TUB: variants seen among roughly 807,000 people sequenced by gnomAD.
TUB encodes the protein tubby protein homolog.
Under a neutral mutation model 59.7 loss-of-function variants are expected in TUB, and 33 were observed. The ratio of observed to expected loss-of-function variants is 0.55; its 90% CI spans 0.42 to 0.74. TUB has a LOEUF of 0.74. TUB is among the 30% of genes least tolerant of loss of function. TUB has a pLI of 0.00. For missense variants in TUB, 659 were observed against 672.0 expected, an observed-to-expected ratio of 0.98 and a Z score of 0.21; for synonymous variants, 293 against 256.4, an observed-to-expected ratio of 1.14 and a Z score of -1.36.
chr11:8,062,776 G>C (rs1488125432), intron 2 of TUB, among the ~76,000 whole-genome samples: 1 of 152,030 alleles, frequency 6.6e-6, no homozygotes, highest in African/African-American at 2.4e-5. Context: ...AGCTCCCTGG[G>C]TGATTCTGAC....
At chr11:8,028,160 G>A (rs1185703760) in intron 1 of TUB, among the ~76,000 whole-genome samples, 1 of 152,150 alleles carries the variant, frequency 6.6e-6, no homozygotes, top group African/African-American at 2.4e-5. Flanking sequence ...TATAGTCTAG[G>A]AAGTGGTATC....
intron 3 of TUB, among the ~76,000 whole-genome samples, chr11:8,092,314 G>C (rs1461231524): frequency 6.6e-6 from 1 of 152,090 alleles, no homozygotes; most frequent in Non-Finnish European, 1.5e-5. Context: ...CCTGCCTGTA[G>C]TCCCAGCTAC....
chr11:8,061,881 C>T (rs1032582356), intron 2 of TUB, among the ~76,000 whole-genome samples: 1 of 152,104 alleles, frequency 6.6e-6, no homozygotes, highest in Non-Finnish European at 1.5e-5. Context: ...TCCCTGTCAC[C>T]TACTCAACAT....
chr11:8,047,586 TG>T (rs1942855537), intron 2 of TUB, among the ~76,000 whole-genome samples: 2 of 152,226 alleles, frequency 1.3e-5, no homozygotes, highest in South Asian at 4.1e-4. Context: ...AAGGGCTCTG[TG>T]CAGCAGGGCC....
At position 8,104,960 on chromosome 11, in the gene TUB, TAGC is replaced by T. The variant is rs1025818622; in HGVS notation, c.*3344_*3346del. 7.5e-5 allele frequency: 10 copies of T among 133,684 alleles called. No individual in the cohort carries two copies. The highest frequency in any genetic ancestry group is 1.4e-4 in the African/African-American group (5 of 36,768). 8.3% of individuals were successfully genotyped at this position (133,684 alleles called of 1,614,324 possible). On this transcript the variant is annotated 3_prime_UTR_variant, in exon 12 of 12. Transcript: ENST00000299506. ...TTTTTTTTTTTCTCCATTCTGAAAA[TAGC>T]AGGACATTTACCTCTTAAATAAACT...
intron 1 of TUB, among the ~76,000 whole-genome samples, chr11:8,031,172 C>T (rs146237707): frequency 1.8e-4 from 27 of 152,268 alleles, no homozygotes; most frequent in Admixed American, 7.8e-4. Context: ...GTGTGTGCTT[C>T]TATGGAAGCA....
chr11:8,039,034 C>T (rs1177695686), intron 1 of TUB: 3 of 1,611,616 alleles, frequency 1.9e-6, no homozygotes, highest in Non-Finnish European at 2.5e-6. Flanking sequence ...GATCGGTAAG[C>T]TTTCAACATC....
rs1347051403 is a variant in TUB at position 8,096,781 on chromosome 11, C to T, written c.662C>T (p.Ser221Phe). 1 of 1,614,068 alleles carries T rather than the reference C, an allele frequency of 6.2e-7. No homozygotes were observed. The highest frequency in any genetic ancestry group is 8.5e-7 in the Non-Finnish European group (1 of 1,180,022). The stretch of plus-strand genomic sequence containing the variant: ...CTAAATAGTAACACCCGCCCCAGCT[C>T]TGCTACTAGCAGGAAGTCCGTCAGG... Reference protein sequence around the residue: ...SQLNSNTRPSSATSRKSVREA... With the variant: ...SQLNSNTRPSFATSRKSVREA... The change falls in exon 6 of 12, where the codon TCT becomes TTT. Residue 221 changes from serine (S) to phenylalanine (F), a missense_variant. This residue lies in a region of TUB where 321 missense variants were observed against 304.3 expected (regional missense o/e 1.05). Coordinates refer to ENST00000299506, the MANE Select transcript of TUB (RefSeq NM_177972.3).
At position 8,061,421 on chromosome 11, in the gene TUB, C is replaced by T. The variant is rs140842189; in HGVS notation, c.203+21729C>T. Among the ~76,000 whole-genome samples the T allele has an allele frequency of 1.3e-3, 205 of 152,230 alleles. 3 individuals carry two copies. The highest frequency in any genetic ancestry group is 4.8e-3 in the African/African-American group (200 of 41,528). On this transcript the variant is annotated intron_variant, in intron 2 of 12. Transcript: ENST00000305253. ...TCAGGATGGGGGTGGAAACACCCTG[C>T]GGTGCCTCTACAGGGAAAACCAGGT...
At chr11:8,031,517 G>C (rs922384374) in intron 1 of TUB, among the ~76,000 whole-genome samples, 12 of 152,344 alleles carry the variant, frequency 7.9e-5, no homozygotes, top group Admixed American at 5.9e-4. Context: ...GTGGGGTAGA[G>C]GACCCTTCCC....
At chr11:8,081,660 C>A in intron 1 of TUB, 112 bp downstream of exon 1, 2 of 1,212,784 alleles carry the variant, frequency 1.6e-6, no homozygotes, top group Non-Finnish European at 2.1e-6. Flanking sequence ...TATCCCAGCA[C>A]TGGGGCGCGG....
intron 1 of TUB, among the ~76,000 whole-genome samples, chr11:8,023,388 C>A (rs1942458155): frequency 6.6e-6 from 1 of 152,210 alleles, no homozygotes; most frequent in Non-Finnish European, 1.5e-5. Context: ...TTTACAATTT[C>A]TGGCTCCTCT....
At chr11:8,041,384 GAGGGCTGACTTAT>G (rs1169508642) in intron 2 of TUB, among the ~76,000 whole-genome samples, 4 of 152,170 alleles carry the variant, frequency 2.6e-5, no homozygotes, top group African/African-American at 2.4e-5. Context: ...CTTTGGAATT[GAGGGCTGACTTAT>G]AGGGCTGACT....
chr11:8,097,218 A>T lies in TUB; in HGVS notation c.688-10A>T, dbSNP rs775690424. ...CTTGGGGCTCAGGCACCTATTCTGC[A>T]TCCCCATAGGAGGCAGCCTCAGCCC... On this transcript the variant is annotated splice_polypyrimidine_tract_variant and intron_variant, in intron 6 of 11. Transcript: ENST00000299506. 11 of 1,613,750 alleles carry T rather than the reference A, an allele frequency of 6.8e-6. No individual in the cohort carries two copies. The highest frequency in any genetic ancestry group is 1.7e-4 in the Middle Eastern group (1 of 5,872).
intron 1 of TUB, among the ~76,000 whole-genome samples, chr11:8,029,049 A>C (rs1942535749): frequency 2.0e-5 from 3 of 152,196 alleles, no homozygotes; most frequent in Admixed American, 1.3e-4. Context: ...ACAAACCCCA[A>C]AATTAGCCAT....
At position 8,049,574 on chromosome 11, in the gene TUB, TATATATAGATAG is replaced by T. The variant is rs1263615881; in HGVS notation, c.203+9886_203+9897del. Among the ~76,000 whole-genome samples, 258 of 89,746 alleles carry T rather than the reference TATATATAGATAG, an allele frequency of 2.9e-3. 4 individuals are homozygous for T. Among genetic ancestry groups the T allele is most frequent in the African/African-American group, 9.9e-3 (237 of 23,900 alleles). 58.9% of individuals were successfully genotyped at this position (89,746 alleles called of 152,430 possible). The stretch of plus-strand genomic sequence containing the variant: ...TGGTATTATGTGGTATATATATATA[TATATATAGATAG>T]ATAGATAGATAGATAGATACACACA... On this transcript the variant is annotated intron_variant, in intron 2 of 12. Transcript: ENST00000305253.
At chr11:8,033,816 C>T (rs1942609095), upstream of TUB, among the ~76,000 whole-genome samples, 1 of 152,238 alleles carries the variant, frequency 6.6e-6, no homozygotes, top group African/African-American at 2.4e-5. Flanking sequence ...GGGATAAAGA[C>T]CCAAGCTCAG....
At chr11:8,071,157 A>T (rs551106873) in intron 2 of TUB, among the ~76,000 whole-genome samples, 162 of 152,216 alleles carry the variant, frequency 1.1e-3, no homozygotes, top group Non-Finnish European at 2.0e-3. Flanking sequence ...GGGACTTCAG[A>T]CCCACTTACG....
intron 1 of TUB, among the ~76,000 whole-genome samples, chr11:8,019,629 C>T (rs1469015096): frequency 6.6e-6 from 1 of 152,120 alleles, no homozygotes; most frequent in South Asian, 2.1e-4. Flanking sequence ...CTGCCCCCAC[C>T]CCAGCTGCCC....
Sources: gnomAD v4.1 joint callset for allele counts (sites outside exome capture counted in the v4.1 genomes callset) on GRCh38, gnomAD v4.1.1 for gene constraint, gnomAD v4.1.1 regional missense constraint, MANE v1.5 for transcripts, NCBI Gene and HGNC (gene_info 2026-07-23, HGNC 2026-07-21) for gene names.